SRGAP2: variants seen among roughly 807,000 people sequenced by gnomAD.
The protein encoded by SRGAP2 is SLIT-ROBO Rho GTPase activating protein 2.
SRGAP2 carries 15 observed loss-of-function variants against 57.2 expected under a neutral mutation model. The ratio of observed to expected loss-of-function variants is 0.26; its 90% confidence interval spans 0.18 to 0.40. The LOEUF (loss-of-function observed/expected upper bound fraction) is 0.40. SRGAP2 is among the 10% of genes least tolerant of loss of function. The pLI is 1.00. For missense variants in SRGAP2, 520 were observed against 669.6 expected, an observed-to-expected ratio of 0.78 and a Z score of 2.47; for synonymous variants, 249 against 248.0, an observed-to-expected ratio of 1.00 and a Z score of -0.04.
chr1:206,408,594 T>C (rs1407409636), intron 10 of SRGAP2, among the ~76,000 whole-genome samples: 1 of 152,072 alleles, frequency 6.6e-6, no homozygotes, highest in Non-Finnish European at 1.5e-5. Flanking sequence ...TATAACACTA[T>C]TTAAATGACC....
At chr1:206,335,637 T>G (rs1674718847) in intron 3 of SRGAP2, among the ~76,000 whole-genome samples, 1 of 151,830 alleles carries the variant, frequency 6.6e-6, no homozygotes, top group Admixed American at 6.6e-5. Flanking sequence ...TTAATATTTG[T>G]TAAATGAATG....
chr1:206,417,586 T>A lies in SRGAP2; in HGVS notation c.1441+1613T>A, dbSNP rs568614776. The stretch of plus-strand genomic sequence containing the variant: ...GTGCCCACCACCATGCCTGGCTAAT[T>A]TTTTTGTATTCTTAGTAGGGACGAG... On this transcript the variant is annotated intron_variant, in intron 11 of 22. Transcript: ENST00000573034. Among the ~76,000 whole-genome samples, 6 of 150,894 alleles carry A rather than the reference T, an allele frequency of 4.0e-5. No homozygotes were observed. The South Asian group carries it at 1.3e-3, about 32-fold the overall frequency.
intron 2 of SRGAP2, among the ~76,000 whole-genome samples, chr1:206,226,794 G>A (rs137879958): frequency 6.6e-6 from 1 of 152,314 alleles, no homozygotes; most frequent in East Asian, 1.9e-4. Context: ...TGGGCCATAC[G>A]TGAAATGACG....
intron 14 of SRGAP2, among the ~76,000 whole-genome samples, chr1:206,431,611 G>C (rs1661280488): frequency 6.6e-6 from 1 of 152,176 alleles, no homozygotes; most frequent in Admixed American, 6.5e-5. Context: ...CATATTAGTT[G>C]CTTATTATAT....
intron 13 of SRGAP2, among the ~76,000 whole-genome samples, chr1:206,427,774 C>A (rs1358478478): frequency 6.6e-6 from 1 of 152,168 alleles, no homozygotes; most frequent in Non-Finnish European, 1.5e-5. Context: ...CTCTTTCTTC[C>A]ACACAGCTGA....
intron 3 of SRGAP2, among the ~76,000 whole-genome samples, chr1:206,312,613 C>G (rs1260465870): frequency 6.6e-6 from 1 of 151,602 alleles, no homozygotes; most frequent in African/African-American, 2.4e-5. Context: ...CTCCTTCCCC[C>G]AGAGAATGAG....
At chr1:206,419,281 G>T in intron 11 of SRGAP2, 92 bp from the exon 12 acceptor site, 1 of 759,126 alleles carries the variant, frequency 1.3e-6, no homozygotes. Flanking sequence ...GGCTGTCTAG[G>T]GGAGATAGGC....
intron 3 of SRGAP2, among the ~76,000 whole-genome samples, chr1:206,307,995 A>G (rs1462838914): frequency 1.3e-5 from 2 of 151,804 alleles, no homozygotes; most frequent in Non-Finnish European, 2.9e-5. Context: ...GGCTCTGAGG[A>G]CTGCCAGCAT....
At chr1:206,389,948 A>C (rs1480058878) in intron 5 of SRGAP2, among the ~76,000 whole-genome samples, 1 of 151,680 alleles carries the variant, frequency 6.6e-6, no homozygotes, top group African/African-American at 2.4e-5. Context: ...TAAGACATAG[A>C]TATATAGATA....
rs577288699 is a variant in SRGAP2, at chr1:206,355,682, T to G, written c.423+12674T>G. On this transcript the variant is annotated intron_variant, in intron 4 of 22. Coordinates refer to ENST00000573034, the MANE Select transcript of SRGAP2 (RefSeq NM_015326.5). ...CTTACTTGACTATAAGATGCCTCTC[T>G]GAGGCTGGGCACAGTGGCTTATGTC... Among the ~76,000 whole-genome samples the G allele has an allele frequency of 2.0e-5, 3 of 152,270 alleles. No homozygotes were observed. In the East Asian group the frequency reaches 5.8e-4, roughly 29 times the overall value.
rs1553380561 is a variant in SRGAP2, at chr1:206,461,236, G to C, written c.3032G>C (p.Ser1011Thr). 1 of 780,832 alleles carries C rather than the reference G, an allele frequency of 1.3e-6. No individual in the cohort carries two copies. Among genetic ancestry groups the C allele is most frequent in the Admixed American group, 1.7e-5 (1 of 59,042 alleles). 48.4% of individuals were successfully genotyped at this position (780,832 alleles called of 1,614,324 possible). A position where few individuals can be genotyped will look rare whatever the true frequency, so the allele number is the denominator to read the frequency against. ...GACCCCGAGCCCGCCTTCCAGCGCAGCGCCAGTACTGCTGGGGACATCGCC... is the reference window on the plus strand; with the variant it reads ...GACCCCGAGCCCGCCTTCCAGCGCACCGCCAGTACTGCTGGGGACATCGCC... ...LKDPEPAFQR[S>T]ASTAGDIACA... is the part of the protein sequence containing the mutation. The change falls in exon 23 of 23, where the codon AGC becomes ACC. Residue 1011 changes from serine (S) to threonine (T), a missense_variant. Ser to Thr is a moderately conservative substitution (Grantham distance 58). Around this residue, in one of 5 missense-constraint regions of SRGAP2, gnomAD observed 478 missense variants for 373.6 expected, o/e 1.28. Coordinates refer to ENST00000573034, the MANE Select transcript of SRGAP2 (RefSeq NM_015326.5).
intron 14 of SRGAP2, among the ~76,000 whole-genome samples, chr1:206,433,521 A>T (rs1661451842): frequency 6.6e-6 from 1 of 152,006 alleles, no homozygotes; most frequent in South Asian, 2.1e-4. Context: ...GGCACCTGTA[A>T]TCCCATCTAC....
intron 22 of SRGAP2, 56 bp from the exon 23 acceptor site, chr1:206,460,981 T>G: frequency 1.5e-6 from 1 of 661,254 alleles, no homozygotes; most frequent in East Asian, 2.5e-5. Flanking sequence ...TGAAACCGGC[T>G]CCTTGGGGAA....
At position 206,416,770 on chromosome 1, in the gene SRGAP2, C is replaced by T. The variant is rs6704090; in HGVS notation, c.1441+797C>T. ...GGGGATGCCTCTGAATGCCGCCCCC[C>T]CCTCCCTGCCCCACTAATCTAATCT... On this transcript the variant is annotated intron_variant, in intron 11 of 22. Coordinates refer to ENST00000573034, the MANE Select transcript of SRGAP2 (RefSeq NM_015326.5). Among the ~76,000 whole-genome samples the T allele has an allele frequency of 4.4e-3, 677 of 152,242 alleles. 2 individuals are homozygous for T. The highest frequency in any genetic ancestry group is 0.017 in the Middle Eastern group (5 of 294).
chr1:206,205,015 C>T (rs1665777528), intron 1 of SRGAP2: 1 of 151,692 alleles, frequency 6.6e-6, no homozygotes, highest in Admixed American at 6.6e-5. Flanking sequence ...GGTGGCTTAT[C>T]CCTCCCCGGC....
intron 17 of SRGAP2, among the ~76,000 whole-genome samples, chr1:206,442,302 C>T (rs782495881): frequency 2.0e-5 from 3 of 152,242 alleles, no homozygotes; most frequent in Non-Finnish European, 2.9e-5. Flanking sequence ...GGGTTGAACA[C>T]CCCAGTGAGT....
chr1:206,307,719 G>A (rs1352264605), intron 3 of SRGAP2, among the ~76,000 whole-genome samples: 1 of 152,234 alleles, frequency 6.6e-6, no homozygotes, highest in African/African-American at 2.4e-5. Flanking sequence ...CATTGCCCGG[G>A]GCCAGCAGGG....
intron 17 of SRGAP2, among the ~76,000 whole-genome samples, chr1:206,442,883 C>G (rs924140740): frequency 6.6e-6 from 1 of 152,190 alleles, no homozygotes; most frequent in African/African-American, 2.4e-5. Context: ...CCATCAGGAC[C>G]CTTTTTCTTC....
At chr1:206,292,432 A>G (rs1178768538) in intron 2 of SRGAP2, among the ~76,000 whole-genome samples, 1 of 151,920 alleles carries the variant, frequency 6.6e-6, no homozygotes, top group Non-Finnish European at 1.5e-5. Context: ...AGGCCCAGGA[A>G]CAGCCATTGC....
Sources: gnomAD v4.1 joint callset for allele counts (sites outside exome capture counted in the v4.1 genomes callset) on GRCh38, gnomAD v4.1.1 for gene constraint, gnomAD v4.1.1 regional missense constraint, MANE v1.5 for transcripts, NCBI Gene and HGNC (gene_info 2026-07-23, HGNC 2026-07-21) for gene names.